The following PCDHA5 variants were observed in gnomAD, a reference collection of about 807,000 sequenced individuals.
PCDHA5 encodes protocadherin alpha-5.
A neutral mutation model predicts 61.6 loss-of-function variants in PCDHA5; 43 were observed. The observed-to-expected ratio is 0.70, with a 90% CI of 0.55 to 0.90. The LOEUF (loss-of-function observed/expected upper bound fraction) is 0.90. PCDHA5 is among the 40% of genes least tolerant of loss of function. The pLI, the probability that PCDHA5 is intolerant of heterozygous loss-of-function variation, is 0.00. For missense variants in PCDHA5, 1,298 were observed against 1,222.7 expected (o/e 1.06, Z -0.92); for synonymous variants, 627 against 543.9 (o/e 1.15, Z -2.13).
chr5:140,922,441 A>G (rs2080844983), intron 1 of PCDHA5, among the ~76,000 whole-genome samples: 1 of 152,216 alleles, frequency 6.6e-6, no homozygotes, highest in Non-Finnish European at 1.5e-5. Flanking sequence ...GAACTCTCTC[A>G]TTATCCTATT....
At chr5:140,880,214 A>C (rs2058267657) in intron 1 of PCDHA5, among the ~76,000 whole-genome samples, 1 of 152,224 alleles carries the variant, frequency 6.6e-6, no homozygotes, top group African/African-American at 2.4e-5. Flanking sequence ...TTCCACCAGA[A>C]GTAGAACATT....
At chr5:140,829,349 G>A (rs1770243547) in intron 1 of PCDHA5, 1 of 1,614,120 alleles carries the variant, frequency 6.2e-7, no homozygotes, top group Admixed American at 1.7e-5. Context: ...GAGCGTGTCG[G>A]CCTATGAGTT....
At chr5:141,003,486 T>C (rs1563677160) in intron 3 of PCDHA5, among the ~76,000 whole-genome samples, 2 of 152,054 alleles carry the variant, frequency 1.3e-5, no homozygotes. Flanking sequence ...CTAATTTTTA[T>C]AGTTTTAGTA....
At chr5:141,006,678 T>C (rs1554260866) in intron 3 of PCDHA5, among the ~76,000 whole-genome samples, 1 of 151,754 alleles carries the variant, frequency 6.6e-6, no homozygotes, top group Non-Finnish European at 1.5e-5. Flanking sequence ...GCAGTGAAAA[T>C]TGGGAGAAGA....
intron 1 of PCDHA5, chr5:140,860,433 T>C (rs2046395592): frequency 6.6e-6 from 1 of 152,064 alleles, no homozygotes; most frequent in Non-Finnish European, 1.5e-5. Context: ...GCAAATATGA[T>C]CTTTTTCATA....
chr5:140,836,467 A>G, intron 1 of PCDHA5: 1 of 1,613,806 alleles, frequency 6.2e-7, no homozygotes, highest in East Asian at 2.2e-5. Context: ...GAGCTGGTGG[A>G]TGTCAACGTG....
intron 3 of PCDHA5, among the ~76,000 whole-genome samples, chr5:140,987,604 T>G (rs2097261353): frequency 6.6e-6 from 1 of 152,222 alleles, no homozygotes; most frequent in Admixed American, 6.5e-5. Context: ...GTCTACCTTA[T>G]AGGGTTCTTG....
intron 1 of PCDHA5, chr5:140,870,393 T>C (rs1554164195): frequency 1.5e-5 from 24 of 1,613,936 alleles, no homozygotes; most frequent in Non-Finnish European, 1.8e-5. Flanking sequence ...GGGATGGGGG[T>C]TCGCCTTCTC....
At chr5:140,950,546 C>G (rs1323652854) in intron 1 of PCDHA5, among the ~76,000 whole-genome samples, 4 of 151,970 alleles carry the variant, frequency 2.6e-5, no homozygotes, top group Non-Finnish European at 4.4e-5. Flanking sequence ...TCTTGCATGG[C>G]TGGGGGGACA....
chr5:140,929,480 G>C, intron 1 of PCDHA5: 1 of 1,195,420 alleles, frequency 8.4e-7, no homozygotes, highest in Non-Finnish European at 1.1e-6. Context: ...TGGAAGTATA[G>C]AAGTATTAGA....
chr5:140,929,324 T>A (rs781810168), intron 1 of PCDHA5: 1 of 1,540,130 alleles, frequency 6.5e-7, no homozygotes, highest in African/African-American at 1.4e-5. Flanking sequence ...GTCAATGCCA[T>A]GGTAAGCAAA....
intron 1 of PCDHA5, among the ~76,000 whole-genome samples, chr5:140,943,705 C>T (rs528361276): frequency 1.6e-4 from 25 of 152,150 alleles, no homozygotes; most frequent in Middle Eastern, 3.4e-3. Context: ...TATTGTGGAA[C>T]ACATTTAAAG....
At chr5:140,948,098 AT>A (rs1400798416) in intron 1 of PCDHA5, among the ~76,000 whole-genome samples, 2 of 151,502 alleles carry the variant, frequency 1.3e-5, no homozygotes, top group African/African-American at 4.8e-5. Flanking sequence ...TGAGCATATG[AT>A]TTTTCTTCGT....
rs1440009442 is a variant in PCDHA5, at chr5:140,964,448, A to G, written c.2353-14501A>G. Among the ~76,000 whole-genome samples the G allele has an allele frequency of 3.3e-5, 5 of 152,212 alleles. No homozygotes were observed. The South Asian group carries it at 8.3e-4, about 25-fold the overall frequency. On this transcript the variant is annotated intron_variant, in intron 1 of 3. Transcript: ENST00000529859. ...AAAATTACCAAGCCTCTGCCACTGT[A>G]ATCTCTTCCTTAAGTGCCTATGATT...
intron 1 of PCDHA5, chr5:140,967,393 G>A (rs1437861925): frequency 1.2e-6 from 2 of 1,609,910 alleles, no homozygotes; most frequent in African/African-American, 2.7e-5. Flanking sequence ...TGCTTGAGCT[G>A]GTGCTGCGTA....
chr5:140,976,990 A>G (rs1162326000), intron 1 of PCDHA5, among the ~76,000 whole-genome samples: 1 of 152,228 alleles, frequency 6.6e-6, no homozygotes. Flanking sequence ...TCTTACTGCC[A>G]TAAGAAATCT....
chr5:140,923,280 A>C (rs2081292990), intron 1 of PCDHA5, among the ~76,000 whole-genome samples: 1 of 152,220 alleles, frequency 6.6e-6, no homozygotes, highest in South Asian at 2.1e-4. Context: ...CTCTACAAAA[A>C]ATTAAAAATT....
At chr5:140,940,557 T>C (rs1554213484) in intron 1 of PCDHA5, among the ~76,000 whole-genome samples, 1 of 152,204 alleles carries the variant, frequency 6.6e-6, no homozygotes. Context: ...CAAGTGATTC[T>C]CCTACCTTGG....
chr5:140,853,275 T>C lies in PCDHA5; in HGVS notation c.2352+29148T>C, dbSNP rs144030935. On this transcript the variant is annotated intron_variant, in intron 1 of 3. Coordinates refer to ENST00000529859, the MANE Select transcript of PCDHA5 (RefSeq NM_018908.3). The stretch of plus-strand genomic sequence containing the variant: ...TTCTCTCTCAGAGTACAAGCTCTCA[T>C]CATATGCAAATTCTCAGAAGGGCTG... The C allele has an allele frequency of 8.2e-6, 8 of 978,484 alleles. No homozygotes were observed. The East Asian group carries it at 9.1e-4, about 111-fold the overall frequency. The allele number at this position is 978,484 out of a possible 1,614,324, so 60.6% of individuals were successfully genotyped here. A position where few individuals can be genotyped will look rare whatever the true frequency, so the allele number is the denominator to read the frequency against.
Sources: allele counts gnomAD v4.1 joint callset (sites outside exome capture counted in the v4.1 genomes callset), GRCh38; gene constraint gnomAD v4.1.1; transcripts MANE v1.5; gene names NCBI Gene and HGNC (gene_info 2026-07-23, HGNC 2026-07-21).